Variants in ATP2B2 observed in about 807,000 individuals in gnomAD.
ATP2B2 encodes the protein ATPase plasma membrane Ca2+ transporting 2.
Under a neutral mutation model 120.0 loss-of-function variants are expected in ATP2B2, and 15 were observed. That is an observed-to-expected ratio of 0.12 (90% CI 0.08 to 0.19). The LOEUF (loss-of-function observed/expected upper bound fraction) is 0.19. Among genes scored for constraint, ATP2B2 ranks in the 10% least tolerant of loss-of-function variants. The pLI is 1.00. For missense variants in ATP2B2, 1,045 were observed against 1,719.8 expected, an observed-to-expected ratio of 0.61 and a Z score of 6.94; for synonymous variants, 694 against 700.3, an observed-to-expected ratio of 0.99 and a Z score of 0.14.
intron 1 of ATP2B2, among the ~76,000 whole-genome samples, chr3:10,461,066 A>G (rs534201781): frequency 6.6e-6 from 1 of 152,326 alleles, no homozygotes; most frequent in East Asian, 1.9e-4. Context: ...ATGCTAGGAA[A>G]TCTAGCTATA....
chr3:10,659,753 C>T (rs2070731946), intron 1 of ATP2B2, among the ~76,000 whole-genome samples: 2 of 152,352 alleles, frequency 1.3e-5, no homozygotes, highest in Admixed American at 6.5e-5. Context: ...ACCTAATAGA[C>T]ATCTACAGAA....
intron 22 of ATP2B2, among the ~76,000 whole-genome samples, chr3:10,334,166 C>T (rs1385323452): frequency 2.6e-5 from 4 of 152,172 alleles, no homozygotes; most frequent in South Asian, 2.1e-4. Context: ...GCCTGCCCAG[C>T]GATGTCAGGT....
intron 16 of ATP2B2, 125 bp downstream of exon 16, chr3:10,349,987 G>A: frequency 1.1e-6 from 1 of 941,058 alleles, no homozygotes. Flanking sequence ...CTGTGCCCAG[G>A]TGTGGAGAGT....
At chr3:10,357,601 A>C (rs947617195) in intron 14 of ATP2B2, among the ~76,000 whole-genome samples, 1 of 152,266 alleles carries the variant, frequency 6.6e-6, no homozygotes, top group Admixed American at 6.5e-5. Context: ...GGGTAGGTCC[A>C]TTAAGGAGTG....
In ATP2B2 at chr3:10,397,526, G is replaced by A. The variant is rs145412020; in HGVS notation, c.781+3427C>T. ...GGTCCCAGGTGGTCAGGGGGTGACT[G>A]CCACAGGGCAGTGGTGGTCAGGGAA... On this transcript the variant is annotated intron_variant, in intron 5 of 22. Transcript: ENST00000360273. Among the ~76,000 whole-genome samples the A allele has an allele frequency of 2.1e-3, 326 of 152,346 alleles. 2 individuals carry two copies. The highest frequency in any genetic ancestry group is 7.5e-3 in the African/African-American group (313 of 41,580).
intron 3 of ATP2B2, among the ~76,000 whole-genome samples, chr3:10,527,178 C>T (rs2125466105): frequency 6.6e-6 from 1 of 152,330 alleles, no homozygotes; most frequent in South Asian, 2.1e-4. Context: ...CAGCATCAAC[C>T]TTGCTGCCTC....
chr3:10,379,357 G>T, intron 8 of ATP2B2, 73 bp from the exon 9 acceptor site: 1 of 1,500,746 alleles, frequency 6.7e-7, no homozygotes, highest in Non-Finnish European at 9.3e-7. Flanking sequence ...AGACGCAACA[G>T]GCCACAGACA....
intron 3 of ATP2B2, among the ~76,000 whole-genome samples, chr3:10,407,309 A>T (rs1232136651): frequency 1.3e-5 from 2 of 152,230 alleles, no homozygotes; most frequent in African/African-American, 4.8e-5. Context: ...ACACAATGTG[A>T]GCACCAGGGA....
At chr3:10,485,166 C>A (rs1006809939) in intron 1 of ATP2B2, among the ~76,000 whole-genome samples, 3 of 152,230 alleles carry the variant, frequency 2.0e-5, no homozygotes, top group South Asian at 4.1e-4. Flanking sequence ...TCATCACCAC[C>A]ACCAGAAGAG....
At chr3:10,376,700 C>G (rs527273864) in intron 10 of ATP2B2, among the ~76,000 whole-genome samples, 1 of 152,328 alleles carries the variant, frequency 6.6e-6, no homozygotes, top group South Asian at 2.1e-4. Flanking sequence ...GGAATGCACT[C>G]CCATCTTAAC....
At chr3:10,702,277 T>G (rs2071830395) in intron 1 of ATP2B2, among the ~76,000 whole-genome samples, 2 of 152,230 alleles carry the variant, frequency 1.3e-5, no homozygotes, top group Non-Finnish European at 2.9e-5. Flanking sequence ...ATGTGAAAAG[T>G]GCTCTGTAAA....
intron 1 of ATP2B2, among the ~76,000 whole-genome samples, chr3:10,630,402 T>A (rs2069829301): frequency 6.6e-6 from 1 of 152,158 alleles, no homozygotes; most frequent in African/African-American, 2.4e-5. Context: ...CATTTATAAG[T>A]GAGAACATGT....
intron 3 of ATP2B2, among the ~76,000 whole-genome samples, chr3:10,531,278 G>C (rs1279123927): frequency 2.6e-5 from 4 of 152,246 alleles, no homozygotes; most frequent in Non-Finnish European, 5.9e-5. Context: ...TGAGCCAGTG[G>C]CTTTGACCCC....
intron 2 of ATP2B2, among the ~76,000 whole-genome samples, chr3:10,535,898 G>A (rs1217593364): frequency 6.6e-6 from 1 of 151,970 alleles, no homozygotes; most frequent in Non-Finnish European, 1.5e-5. Context: ...GGGTTGTATG[G>A]CAGTTGATTT....
chr3:10,347,632 C>T lies in ATP2B2; in HGVS notation c.2405-1495G>A, dbSNP rs2060465882. On this transcript the variant is annotated intron_variant, in intron 16 of 22. Transcript: ENST00000360273. This position sits in a 1 kb window ranked among gnomAD's most constrained non-coding sequence, Gnocchi z 5.2. ...CCGTCCTGGACTCAGCCTCCCCAAG[C>T]TTGTCCCCTTGGGACATTAGGCCTG... is the stretch of plus-strand genomic sequence containing the variant. 6.6e-6 allele frequency among the ~76,000 whole-genome samples: 1 copy of T among 152,236 alleles called. No individual in the cohort carries two copies. The highest frequency in any genetic ancestry group is 2.1e-4 in the South Asian group (1 of 4,834).
chr3:10,340,849 G>T lies in ATP2B2; in HGVS notation c.2918-145C>A. Reference sequence around the variant, plus strand: ...CATGCTTGGACAGTGGGGGGCCAGGGCTGTGCTGTCAGCTGGTCAGAGACT... The same window carrying T: ...CATGCTTGGACAGTGGGGGGCCAGGTCTGTGCTGTCAGCTGGTCAGAGACT... On this transcript the variant is annotated intron_variant, in intron 19 of 22. Transcript: ENST00000360273. This position sits in a 1 kb window ranked among gnomAD's most constrained non-coding sequence, Gnocchi z 5.0. The T allele has an allele frequency of 1.2e-6, 1 of 823,268 alleles. No homozygotes were observed. The highest frequency in any genetic ancestry group is 2.0e-6 in the Non-Finnish European group (1 of 494,348). 51.0% of individuals were successfully genotyped at this position (823,268 alleles called of 1,614,324 possible). A position where few individuals can be genotyped will look rare whatever the true frequency, so the allele number is the denominator to read the frequency against.
intron 2 of ATP2B2, among the ~76,000 whole-genome samples, chr3:10,440,049 C>A (rs1450640518): frequency 7.1e-6 from 1 of 140,590 alleles, no homozygotes; most frequent in African/African-American, 2.6e-5. Flanking sequence ...CTGCAGTGAC[C>A]TGTGATCGTG....
intron 14 of ATP2B2, among the ~76,000 whole-genome samples, chr3:10,351,612 C>A (rs145949657): frequency 4.6e-5 from 7 of 152,124 alleles, no homozygotes; most frequent in Admixed American, 4.6e-4. Flanking sequence ...TGTATTCCCC[C>A]CAAAAGACAG....
chr3:10,543,266 C>G (rs1055299892), intron 2 of ATP2B2, among the ~76,000 whole-genome samples: 2 of 152,178 alleles, frequency 1.3e-5, no homozygotes, highest in African/African-American at 4.8e-5. Flanking sequence ...TTTAAGCCAC[C>G]CAGTCTGTGG....
Sources: gnomAD v4.1 joint callset for allele counts (sites outside exome capture counted in the v4.1 genomes callset) on GRCh38, gnomAD v4.1.1 for gene constraint, Gnocchi (gnomAD v3.1) non-coding constraint, MANE v1.5 for transcripts, NCBI Gene and HGNC (gene_info 2026-07-23, HGNC 2026-07-21) for gene names.